Variants in LIMD1 observed in about 807,000 individuals in gnomAD.
LIMD1 encodes LIM domain-containing protein 1.
A neutral mutation model predicts 58.4 loss-of-function variants in LIMD1; 23 were observed. That is an observed-to-expected ratio of 0.39 (90% CI 0.28 to 0.56). The LOEUF is 0.56. Ranked by LOEUF, LIMD1 falls within the 20% of genes least tolerant of loss-of-function variation. LIMD1 has a pLI of 0.57. For synonymous variants in LIMD1, 334 were observed against 345.5 expected (o/e 0.97, Z 0.37); for missense variants, 838 against 855.5 (o/e 0.98, Z 0.25).
At chr3:45,676,547 TGTG>T (rs1697674934) in intron 7 of LIMD1, among the ~76,000 whole-genome samples, 1 of 152,138 alleles carries the variant, frequency 6.6e-6, no homozygotes, top group Non-Finnish European at 1.5e-5. Context: ...AGTGAGAACA[TGTG>T]GTGTTTAGTT....
chr3:45,613,658 T>G (rs1032585260), intron 1 of LIMD1, among the ~76,000 whole-genome samples: 24 of 151,956 alleles, frequency 1.6e-4, no homozygotes, highest in African/African-American at 3.1e-4. Context: ...TGGGTTTTTT[T>G]TTTGTTTGTT....
In LIMD1 at chr3:45,594,812, CACA is replaced by C. The variant is rs1701320941; in HGVS notation, c.-67_-65del. 1 of 799,766 alleles carries C rather than the reference CACA, an allele frequency of 1.3e-6. No individual in the cohort carries two copies. The highest frequency in any genetic ancestry group is 2.0e-6 in the Non-Finnish European group (1 of 507,466). 49.5% of individuals were successfully genotyped at this position (799,766 alleles called of 1,614,324 possible). A position where few individuals can be genotyped will look rare whatever the true frequency, so the allele number is the denominator to read the frequency against. ...ACACACACACACACACACACACACA[CACA>C]CACACACACACACACACACACACAC... On this transcript the variant is annotated 5_prime_UTR_variant, in exon 1 of 8. Coordinates refer to ENST00000273317, the MANE Select transcript of LIMD1 (RefSeq NM_014240.3).
At chr3:45,629,514 G>C (rs532261849) in intron 1 of LIMD1, among the ~76,000 whole-genome samples, 1 of 152,064 alleles carries the variant, frequency 6.6e-6, no homozygotes, top group Admixed American at 6.5e-5. Flanking sequence ...TCCCTGGCTA[G>C]GGCTCTATAC....
chr3:45,660,405 CTTTTTTTTTTTTTT>C (rs869301368), intron 2 of LIMD1, among the ~76,000 whole-genome samples: 1 of 79,998 alleles, frequency 1.3e-5, no homozygotes, highest in East Asian at 4.1e-4. Flanking sequence ...GGTGGGCTGT[CTTTTTTTTTTTTTT>C]TTTTTTTTTT....
At chr3:45,666,208 G>A (rs1697516404) in intron 3 of LIMD1, among the ~76,000 whole-genome samples, 1 of 152,178 alleles carries the variant, frequency 6.6e-6, no homozygotes, top group Admixed American at 6.5e-5. Context: ...CTGTGAAGCA[G>A]AAAAATCTTA....
intron 1 of LIMD1, among the ~76,000 whole-genome samples, chr3:45,635,655 T>C (rs143019626): frequency 0.012 from 1,628 of 140,038 alleles, 25 homozygotes; most frequent in African/African-American, 0.04. Context: ...CCTAGCACTT[T>C]AGGAGGCCGA....
At chr3:45,669,700 T>C (rs1375729617) in intron 4 of LIMD1, among the ~76,000 whole-genome samples, 1 of 152,252 alleles carries the variant, frequency 6.6e-6, no homozygotes, top group African/African-American at 2.4e-5. Context: ...TCAGGTCTTA[T>C]TACATATGTT....
intron 1 of LIMD1, among the ~76,000 whole-genome samples, chr3:45,607,453 C>A (rs542591625): frequency 2.0e-5 from 3 of 152,146 alleles, no homozygotes; most frequent in African/African-American, 7.2e-5. Context: ...GCTGTGTCCC[C>A]GGGGAGTGAG....
Position 45,677,216 on chromosome 3 carries a change from G to C in LIMD1, c.*157G>C. 1.4e-6 allele frequency: 1 copy of C among 722,356 alleles called. No homozygotes were observed. Among genetic ancestry groups the C allele is most frequent in the South Asian group, 1.8e-5 (1 of 54,746 alleles). The allele number at this position is 722,356 out of a possible 1,614,324, so 44.7% of individuals were successfully genotyped here. ...GGGGGGTGCCTTTCCTTTAACCAGG[G>C]AGGTGAACACTACCTGCCTCCTGCG... is the stretch of plus-strand genomic sequence containing the variant. On this transcript the variant is annotated 3_prime_UTR_variant, in exon 8 of 8. Transcript: ENST00000273317.
chr3:45,649,318 C>G (rs948356335), intron 2 of LIMD1, among the ~76,000 whole-genome samples: 2 of 151,878 alleles, frequency 1.3e-5, no homozygotes, highest in Non-Finnish European at 2.9e-5. Context: ...TTTTCGTATG[C>G]TGATTTGGTG....
At chr3:45,649,348 G>A (rs1277566426) in intron 2 of LIMD1, among the ~76,000 whole-genome samples, 3 of 151,552 alleles carry the variant, frequency 2.0e-5, no homozygotes, top group African/African-American at 4.9e-5. Context: ...TTAAACTTTT[G>A]TATTCTGAAT....
chr3:45,596,180 T>G lies in LIMD1; in HGVS notation c.1301T>G (p.Leu434Arg), dbSNP rs138477069. 5.6e-6 allele frequency: 9 copies of G among 1,613,996 alleles called. No individual in the cohort carries two copies. In the African/African-American group the frequency reaches 9.3e-5, roughly 17 times the overall value. ...AGGGTAAGGCTGCCCTGCCAGCCCC[T>G]CGTCCCAGGTCCTGAGCTGAGACCC... ...SPRVRLPCQP[L>R]VPGPELRPSA... Residue 434 changes from leucine (L) to arginine (R), a missense_variant, in exon 1 of 8, where the codon CTC (leucine) becomes CGC (arginine). By Grantham distance (102) the Leu-to-Arg change is moderately radical (BLOSUM62 -2). Around this residue, in one of 3 missense-constraint regions of LIMD1, gnomAD observed 659 missense variants for 639.8 expected, o/e 1.03. Transcript: ENST00000273317.
In LIMD1 at chr3:45,595,849, G is replaced by C. The variant is rs779477658; in HGVS notation, c.970G>C (p.Gly324Arg). ...SNSGLGGEVS[G>R]VMSKPNVDPQ... Reference sequence around the variant, plus strand: ...CTCGGGGCTGGGGGGTGAGGTTTCAGGTGTGATGTCCAAACCCAATGTGGA... The same window carrying C: ...CTCGGGGCTGGGGGGTGAGGTTTCACGTGTGATGTCCAAACCCAATGTGGA... Residue 324 changes from glycine to arginine, a missense_variant, in exon 1 of 8, where the codon GGT becomes CGT. Coordinates refer to ENST00000273317, the MANE Select transcript of LIMD1 (RefSeq NM_014240.3). The C allele has an allele frequency of 2.5e-6, 4 of 1,614,222 alleles. No individual in the cohort carries two copies. The highest frequency in any genetic ancestry group is 2.5e-6 in the Non-Finnish European group (3 of 1,180,040).
intron 2 of LIMD1, among the ~76,000 whole-genome samples, chr3:45,646,976 A>G (rs923424370): frequency 9.2e-5 from 14 of 152,178 alleles, no homozygotes; most frequent in African/African-American, 3.4e-4. Context: ...TCTAAATCTT[A>G]GCCAGAGTTC....
intron 2 of LIMD1, among the ~76,000 whole-genome samples, chr3:45,662,777 A>G (rs984511730): frequency 1.3e-5 from 2 of 152,138 alleles, no homozygotes; most frequent in African/African-American, 4.8e-5. Context: ...TGGGTGGATC[A>G]CCTGAGGTCA....
chr3:45,613,794 T>C (rs1701551755), intron 1 of LIMD1, among the ~76,000 whole-genome samples: 1 of 152,080 alleles, frequency 6.6e-6, no homozygotes, highest in South Asian at 2.1e-4. Flanking sequence ...CACTGCACCT[T>C]ATATGTACAA....
chr3:45,673,438 T>G lies in LIMD1; in HGVS notation c.1773-16T>G, dbSNP rs778702806. On this transcript the variant is annotated splice_polypyrimidine_tract_variant and intron_variant, in intron 5 of 7. Coordinates refer to ENST00000273317, the MANE Select transcript of LIMD1 (RefSeq NM_014240.3). ...CCCAGAAGCAACATTTATTGCTGCT[T>G]TGTTTCTCCCCACAGGGTGCTGGCC... 1 of 1,612,756 alleles carries G rather than the reference T, an allele frequency of 6.2e-7. No homozygotes were observed. Among genetic ancestry groups the G allele is most frequent in the Non-Finnish European group, 8.5e-7 (1 of 1,178,924 alleles).
chr3:45,613,230 A>G (rs1357577930), intron 1 of LIMD1, among the ~76,000 whole-genome samples: 1 of 152,224 alleles, frequency 6.6e-6, no homozygotes. Context: ...AATCAACAAT[A>G]TATACTAAGG....
chr3:45,627,881 G>A (rs1054149791), intron 1 of LIMD1, among the ~76,000 whole-genome samples: 7 of 151,716 alleles, frequency 4.6e-5, no homozygotes, highest in Admixed American at 2.6e-4. Flanking sequence ...GGTGTTGCAC[G>A]CCTGTAGTCC....
Sources: gnomAD v4.1 joint callset for allele counts (sites outside exome capture counted in the v4.1 genomes callset) on GRCh38, gnomAD v4.1.1 for gene constraint, gnomAD v4.1.1 regional missense constraint, MANE v1.5 for transcripts, NCBI Gene and HGNC (gene_info 2026-07-23, HGNC 2026-07-21) for gene names.